TMEM63C: variants seen among roughly 807,000 people sequenced by gnomAD.
The protein encoded by TMEM63C is osmosensitive cation channel TMEM63C.
In TMEM63C, 32 loss-of-function variants were observed where a neutral mutation model predicts 99.2. The observed-to-expected ratio is 0.32, with a 90% CI of 0.24 to 0.43. The LOEUF is 0.43. Among genes scored for constraint, TMEM63C ranks in the 20% least tolerant of loss-of-function variants. The pLI, the probability that TMEM63C is intolerant of heterozygous loss-of-function variation, is 1.00. For synonymous variants in TMEM63C, 376 were observed against 397.9 expected (o/e 0.94, Z 0.66); for missense variants, 826 against 1,053.0 (o/e 0.78, Z 2.98).
At chr14:77,243,131 G>A in intron 15 of TMEM63C, 75 bp downstream of exon 15, 1 of 1,564,658 alleles carries the variant, frequency 6.4e-7, no homozygotes, top group South Asian at 1.2e-5. Flanking sequence ...ATGGGATGGG[G>A]GGAGCCCCCT....
At chr14:77,206,612 T>A (rs929789794) in intron 1 of TMEM63C, among the ~76,000 whole-genome samples, 1 of 152,188 alleles carries the variant, frequency 6.6e-6, no homozygotes, top group Non-Finnish European at 1.5e-5. Context: ...GGGCTGCATG[T>A]CACTGTGAGA....
Position 77,246,640 on chromosome 14 carries a change from A to T in TMEM63C, c.1567A>T (p.Ile523Phe). ...LDVFLRWLFD[I>F]YYLEQASIRF... ...TGTCTTTCTCCGCTGGCTCTTTGAC[A>T]TCTACTATCTAGAGCAAGCATCCAT... Residue 523 changes from isoleucine (I) to phenylalanine (F), a missense_variant, in exon 18 of 24, where the codon ATC (isoleucine) becomes TTC (phenylalanine). Physicochemically the swap from Ile to Phe is conservative, Grantham distance 21 (BLOSUM62 0). Transcript: ENST00000298351. The T allele has an allele frequency of 6.2e-7, 1 of 1,613,438 alleles. No homozygotes were observed. Among genetic ancestry groups the T allele is most frequent in the Non-Finnish European group, 8.5e-7 (1 of 1,179,690 alleles).
chr14:77,258,107 C>T lies in TMEM63C; in HGVS notation c.*1381C>T, dbSNP rs1889505799. On this transcript the variant is annotated 3_prime_UTR_variant, in exon 24 of 24. Transcript: ENST00000298351. Reference sequence around the variant, plus strand: ...GCTCTCATCAGGACCACCGTGCAGCCCAGCCAGGGAGGACATGAGAAGGGC... The same window carrying T: ...GCTCTCATCAGGACCACCGTGCAGCTCAGCCAGGGAGGACATGAGAAGGGC... 6.6e-6 allele frequency: 1 copy of T among 152,660 alleles called. No homozygotes were observed. The allele number at this position is 152,660 out of a possible 1,614,324, so 9.5% of individuals were successfully genotyped here.
intron 2 of TMEM63C, among the ~76,000 whole-genome samples, chr14:77,218,222 A>G (rs1054415489): frequency 3.2e-5 from 4 of 124,252 alleles, no homozygotes; most frequent in Non-Finnish European, 5.2e-5. Context: ...CTATGTACCC[A>G]CAGAAGTTAA....
chr14:77,215,126 G>C (rs1888557887), intron 2 of TMEM63C, among the ~76,000 whole-genome samples: 1 of 152,130 alleles, frequency 6.6e-6, no homozygotes, highest in Admixed American at 6.5e-5. Flanking sequence ...GTCAATTCAA[G>C]ATCATGAGCC....
chr14:77,243,936 T>A (rs543996585), intron 15 of TMEM63C, among the ~76,000 whole-genome samples: 1 of 152,116 alleles, frequency 6.6e-6, no homozygotes, highest in South Asian at 2.1e-4. Flanking sequence ...TGATTTTTGT[T>A]CCCCTTTGTC....
At chr14:77,215,482 T>C (rs1594855994) in intron 2 of TMEM63C, among the ~76,000 whole-genome samples, 1 of 150,368 alleles carries the variant, frequency 6.7e-6, no homozygotes, top group Non-Finnish European at 1.5e-5. Context: ...GCACCTGTAG[T>C]CCGAGCTACT....
chr14:77,246,595 GT>G lies in TMEM63C; in HGVS notation c.1536-9del. On this transcript the variant is annotated splice_polypyrimidine_tract_variant and intron_variant, in intron 17 of 23. Coordinates refer to ENST00000298351, the MANE Select transcript of TMEM63C (RefSeq NM_020431.4). ...GTTTGCTAACTAACAGACCTGCCTT[GT>G]TTTTGCTTCTAGTTTGGATGTCTTT... 1 of 1,611,104 alleles carries G rather than the reference GT, an allele frequency of 6.2e-7. No homozygotes were observed. The highest frequency in any genetic ancestry group is 2.2e-5 in the East Asian group (1 of 44,828).
At chr14:77,240,960 T>C (rs1260846229) in intron 13 of TMEM63C, among the ~76,000 whole-genome samples, 3 of 130,154 alleles carry the variant, frequency 2.3e-5, no homozygotes, top group Non-Finnish European at 3.3e-5. Context: ...TTTTTTTTTT[T>C]TTCTTTTTTT....
At chr14:77,186,801 C>CTGCG (rs1888005288) in intron 1 of TMEM63C, among the ~76,000 whole-genome samples, 2 of 146,484 alleles carry the variant, frequency 1.4e-5, no homozygotes, top group South Asian at 4.4e-4. Context: ...GTGTGTGTGT[C>CTGCG]TGTGTGTGTG....
chr14:77,241,142 G>A (rs907118176), intron 13 of TMEM63C, among the ~76,000 whole-genome samples: 33 of 151,818 alleles, frequency 2.2e-4, no homozygotes, highest in African/African-American at 7.5e-4. Flanking sequence ...GTAGAGACGG[G>A]GTTTCACCAT....
At chr14:77,225,609 G>C in intron 6 of TMEM63C, 148 bp downstream of exon 6, 1 of 748,588 alleles carries the variant, frequency 1.3e-6, no homozygotes, top group Non-Finnish European at 2.1e-6. Flanking sequence ...ACCAGTGAAG[G>C]ATGCTTTCCT....
intron 1 of TMEM63C, among the ~76,000 whole-genome samples, chr14:77,189,493 C>A (rs914560390): frequency 2.0e-5 from 3 of 152,172 alleles, no homozygotes; most frequent in African/African-American, 7.2e-5. Flanking sequence ...TGTTGCAATG[C>A]CTACCAAGAT....
chr14:77,233,383 A>G (rs1003900547), intron 7 of TMEM63C, 69 bp from the exon 8 acceptor site: 2 of 1,532,666 alleles, frequency 1.3e-6, no homozygotes, highest in African/African-American at 2.7e-5. Context: ...TTGTCCAGGA[A>G]CCTTGAATTC....
chr14:77,244,324 G>A (rs1219490790), intron 15 of TMEM63C, 25 bp from the exon 16 acceptor site: 2 of 1,554,082 alleles, frequency 1.3e-6, no homozygotes, highest in African/African-American at 1.4e-5. Flanking sequence ...CGTCTCTCCT[G>A]CCGTCCTCCC....
chr14:77,228,033 A>G (rs138633768), intron 6 of TMEM63C, among the ~76,000 whole-genome samples: 2 of 152,184 alleles, frequency 1.3e-5, no homozygotes, highest in Non-Finnish European at 2.9e-5. Flanking sequence ...ACGCAGGTGC[A>G]TGCAGAGAGA....
intron 18 of TMEM63C, 138 bp downstream of exon 18, chr14:77,246,812 C>CTT: frequency 1.6e-6 from 1 of 640,688 alleles, no homozygotes; most frequent in Non-Finnish European, 2.6e-6. Flanking sequence ...ACTGGGCAGA[C>CTT]TTGTTACCTT....
At chr14:77,239,190 C>A (rs7148480) in intron 10 of TMEM63C, among the ~76,000 whole-genome samples, 6,772 of 152,320 alleles carry the variant, frequency 0.044, 524 homozygotes, top group African/African-American at 0.16. Context: ...GAGCTCCGCC[C>A]TTTTGCCCTG....
chr14:77,234,768 G>A (rs963972021), intron 8 of TMEM63C, among the ~76,000 whole-genome samples: 2 of 152,154 alleles, frequency 1.3e-5, no homozygotes, highest in African/African-American at 4.8e-5. Flanking sequence ...AGCAGGGATG[G>A]CAAACATGGT....
Sources: gnomAD v4.1 joint callset for allele counts (sites outside exome capture counted in the v4.1 genomes callset) on GRCh38, gnomAD v4.1.1 for gene constraint, MANE v1.5 for transcripts, NCBI Gene and HGNC (gene_info 2026-07-23, HGNC 2026-07-21) for gene names.